PAQR5: variants seen among roughly 807,000 people sequenced by gnomAD.
PAQR5 encodes membrane progestin receptor gamma.
Under a neutral mutation model 34.5 loss-of-function variants are expected in PAQR5, and 20 were observed. That is an observed-to-expected ratio of 0.58 (90% CI 0.41 to 0.84). The LOEUF is 0.84. Among genes scored for constraint, PAQR5 ranks in the 40% least tolerant of loss-of-function variants. The pLI is 0.00. For synonymous variants in PAQR5, 131 were observed against 155.6 expected (o/e 0.84, Z 1.18); for missense variants, 378 against 412.7 (o/e 0.92, Z 0.73).
intron 2 of PAQR5, among the ~76,000 whole-genome samples, chr15:69,340,498 AGTT>A (rs943347951): frequency 6.6e-6 from 1 of 152,074 alleles, no homozygotes; most frequent in African/African-American, 2.4e-5. Flanking sequence ...ACTACTTGGG[AGTT>A]GTTTATAATC....
At chr15:69,337,189 G>A (rs1288738764) in intron 1 of PAQR5, among the ~76,000 whole-genome samples, 152 bp from the exon 2 acceptor site, 1 of 152,202 alleles carries the variant, frequency 6.6e-6, no homozygotes. Context: ...TAACAAGTGA[G>A]TAAAATATAC....
At chr15:69,386,394 C>T (rs563666486) in intron 5 of PAQR5, among the ~76,000 whole-genome samples, 8 of 152,110 alleles carry the variant, frequency 5.3e-5, no homozygotes, top group Non-Finnish European at 8.8e-5. Context: ...TTCACTAGAC[C>T]GTGCCCCTTT....
At chr15:69,335,053 A>G (rs1038253393) in intron 1 of PAQR5, among the ~76,000 whole-genome samples, 3 of 151,566 alleles carry the variant, frequency 2.0e-5, no homozygotes, top group Non-Finnish European at 4.4e-5. Context: ...TGAAACCCCA[A>G]CTCTACTGAA....
chr15:69,310,047 TAA>T (rs144444787), intron 1 of PAQR5, among the ~76,000 whole-genome samples: 1 of 79,224 alleles, frequency 1.3e-5, no homozygotes, highest in Non-Finnish European at 2.8e-5. Flanking sequence ...GACTCCATAT[TAA>T]AAAAAAAACA....
chr15:69,403,836 C>T lies in PAQR5; in HGVS notation c.*14C>T. 1 of 1,611,088 alleles carries T rather than the reference C, an allele frequency of 6.2e-7. No homozygotes were observed. The highest frequency in any genetic ancestry group is 8.5e-7 in the Non-Finnish European group (1 of 1,178,898). ...AAAGAAACATGACTCAGACCATAAG[C>T]TTTTCATGCCAGATGTCAACATTAA... On this transcript the variant is annotated 3_prime_UTR_variant, in exon 9 of 9. Coordinates refer to ENST00000395407, the MANE Select transcript of PAQR5 (RefSeq NM_017705.4).
chr15:69,315,989 G>A (rs983619241), intron 1 of PAQR5, among the ~76,000 whole-genome samples: 4 of 152,188 alleles, frequency 2.6e-5, no homozygotes, highest in Admixed American at 1.3e-4. Flanking sequence ...CGGGGAAGGC[G>A]GAGGGCTTAC....
intron 1 of PAQR5, among the ~76,000 whole-genome samples, chr15:69,313,232 C>T (rs1259786902): frequency 6.6e-6 from 1 of 152,214 alleles, no homozygotes; most frequent in East Asian, 1.9e-4. Context: ...CACAGTGTCT[C>T]ATGCCCGTAA....
Position 69,372,193 on chromosome 15 carries a change from T to C in PAQR5, c.52-7690T>C, listed in dbSNP as rs763505413. 2.8e-4 allele frequency among the ~76,000 whole-genome samples: 42 copies of C among 152,348 alleles called. 1 individual carries two copies. The highest frequency in any genetic ancestry group is 5.7e-4 in the Non-Finnish European group (39 of 68,024). The stretch of plus-strand genomic sequence containing the variant: ...AAGAATACTTTCAAGCCACCTTACA[T>C]GTTCGGCCAGAAGAAATTTACCATT... On this transcript the variant is annotated intron_variant, in intron 3 of 8. Transcript: ENST00000395407.
At chr15:69,373,067 T>C (rs947294677) in intron 3 of PAQR5, among the ~76,000 whole-genome samples, 1 of 152,084 alleles carries the variant, frequency 6.6e-6, no homozygotes, top group Non-Finnish European at 1.5e-5. Context: ...GGCCCCTTCC[T>C]CCATCTTCAC....
In PAQR5 at chr15:69,302,489, G is replaced by A. The variant is rs536627341; in HGVS notation, c.-277+3433G>A. Among the ~76,000 whole-genome samples, 246 of 152,290 alleles carry A rather than the reference G, an allele frequency of 1.6e-3. 1 individual carries two copies. The highest frequency in any genetic ancestry group is 2.5e-3 in the Non-Finnish European group (172 of 68,016). ...GAAGGGTCTGAGAGCCCCTGTAGTTGGAGGTGGCCAGTGTCTTGTTCATCG... is the reference window on the plus strand; with the variant it reads ...GAAGGGTCTGAGAGCCCCTGTAGTTAGAGGTGGCCAGTGTCTTGTTCATCG... On this transcript the variant is annotated intron_variant, in intron 1 of 8. Coordinates refer to ENST00000395407, the MANE Select transcript of PAQR5 (RefSeq NM_017705.4).
intron 2 of PAQR5, among the ~76,000 whole-genome samples, chr15:69,338,510 C>A (rs113369344): frequency 6.6e-6 from 1 of 152,170 alleles, no homozygotes; most frequent in Non-Finnish European, 1.5e-5. Context: ...CCAAGCCAGG[C>A]CTGCATGAGT....
At chr15:69,328,006 C>A (rs2054293120) in intron 1 of PAQR5, among the ~76,000 whole-genome samples, 2 of 152,134 alleles carry the variant, frequency 1.3e-5, no homozygotes, top group East Asian at 1.9e-4. Flanking sequence ...GTCTCAAATT[C>A]CTGACCTCAG....
intron 1 of PAQR5, among the ~76,000 whole-genome samples, chr15:69,300,848 T>C (rs1243349539): frequency 0.12 from 1,297 of 10,634 alleles, 391 homozygotes; most frequent in African/African-American, 0.34. Context: ...TCGTTTTCTT[T>C]CTTTCTTTCT....
At chr15:69,346,546 C>T (rs569640828) in intron 2 of PAQR5, among the ~76,000 whole-genome samples, 5 of 151,312 alleles carry the variant, frequency 3.3e-5, no homozygotes, top group African/African-American at 9.7e-5. Flanking sequence ...GTGATCCTCT[C>T]ACCTTGGCCT....
chr15:69,340,242 A>G (rs868491571), intron 2 of PAQR5, among the ~76,000 whole-genome samples: 2 of 152,088 alleles, frequency 1.3e-5, no homozygotes, highest in Non-Finnish European at 2.9e-5. Context: ...AATCTAGTAT[A>G]CACATACAGT....
chr15:69,370,990 T>C (rs2055544917), intron 3 of PAQR5, among the ~76,000 whole-genome samples: 1 of 152,256 alleles, frequency 6.6e-6, no homozygotes, highest in South Asian at 2.1e-4. Flanking sequence ...ACATGCATAA[T>C]TTATAAATTA....
intron 3 of PAQR5, among the ~76,000 whole-genome samples, chr15:69,369,333 C>T (rs958658246): frequency 6.6e-6 from 1 of 152,124 alleles, no homozygotes; most frequent in African/African-American, 2.4e-5. Flanking sequence ...GTCAGGAGTT[C>T]GAAACCAGCC....
At position 69,403,893 on chromosome 15, in the gene PAQR5, G is replaced by T; in HGVS notation, c.*71G>T. The T allele has an allele frequency of 2.6e-6, 4 of 1,549,468 alleles. No homozygotes were observed. Among genetic ancestry groups the T allele is most frequent in the Non-Finnish European group, 3.5e-6 (4 of 1,142,378 alleles). On this transcript the variant is annotated 3_prime_UTR_variant, in exon 9 of 9. Transcript: ENST00000395407. ...ACATCCTAACCACCATAAGCCGGAG[G>T]TGGTTACAGCTTATCATGGCCTAAA...
intron 6 of PAQR5, among the ~76,000 whole-genome samples, chr15:69,393,826 CCT>C (rs2056337121): frequency 6.6e-6 from 1 of 152,336 alleles, no homozygotes; most frequent in East Asian, 1.9e-4. Context: ...TTTGTCGTCC[CCT>C]GAGTGGTTTT....
Sources: gnomAD v4.1 joint callset for allele counts (sites outside exome capture counted in the v4.1 genomes callset) on GRCh38, gnomAD v4.1.1 for gene constraint, MANE v1.5 for transcripts, NCBI Gene and HGNC (gene_info 2026-07-23, HGNC 2026-07-21) for gene names.